The following STXBP5L variants were observed in gnomAD, a reference collection of about 807,000 sequenced individuals.
The protein encoded by STXBP5L is syntaxin binding protein 5L.
Under a neutral mutation model 144.5 loss-of-function variants are expected in STXBP5L, and 65 were observed. The observed-to-expected ratio is 0.45, with a 90% CI of 0.37 to 0.55. The LOEUF (loss-of-function observed/expected upper bound fraction) is 0.55. Among genes scored for constraint, STXBP5L ranks in the 20% least tolerant of loss-of-function variants. The pLI is 0.00. For missense variants in STXBP5L, 1,298 were observed against 1,405.5 expected (o/e 0.92, Z 1.22); for synonymous variants, 505 against 469.6 (o/e 1.08, Z -0.97).
chr3:121,029,085 G>T (rs550320144), intron 3 of STXBP5L, among the ~76,000 whole-genome samples: 5 of 152,124 alleles, frequency 3.3e-5, no homozygotes, highest in African/African-American at 1.2e-4. Flanking sequence ...AATCAATATC[G>T]TGCAAATGGC....
chr3:121,359,858 T>C (rs1332430245), intron 20 of STXBP5L, among the ~76,000 whole-genome samples: 1 of 151,474 alleles, frequency 6.6e-6, no homozygotes, highest in Non-Finnish European at 1.5e-5. Context: ...ACCTCTGTAG[T>C]ATAATTTGTA....
At chr3:121,095,856 G>A (rs960200675) in intron 5 of STXBP5L, among the ~76,000 whole-genome samples, 1 of 152,114 alleles carries the variant, frequency 6.6e-6, no homozygotes, top group Non-Finnish European at 1.5e-5. Context: ...GAGGGGGAGA[G>A]GCACTGTGAT....
intron 5 of STXBP5L, among the ~76,000 whole-genome samples, chr3:121,087,940 C>T (rs1325610517): frequency 1.3e-5 from 2 of 152,066 alleles, no homozygotes; most frequent in African/African-American, 2.4e-5. Context: ...GAGACTTTTC[C>T]TTTCTTTACT....
At chr3:121,416,500 TTTATTTA>T (rs869039050) in intron 25 of STXBP5L, among the ~76,000 whole-genome samples, 31 of 119,038 alleles carry the variant, frequency 2.6e-4, no homozygotes, top group Middle Eastern at 4.0e-3. Flanking sequence ...TATTTATTTA[TTTATTTA>T]TTATTTATTT....
chr3:121,161,571 T>C (rs767563941), intron 9 of STXBP5L, among the ~76,000 whole-genome samples: 6 of 152,052 alleles, frequency 3.9e-5, no homozygotes, highest in Non-Finnish European at 5.9e-5. Context: ...ATATATGATA[T>C]ATAATTTGCT....
At chr3:121,127,177 G>C (rs1024751851) in intron 7 of STXBP5L, among the ~76,000 whole-genome samples, 1 of 148,596 alleles carries the variant, frequency 6.7e-6, no homozygotes, top group East Asian at 1.9e-4. Flanking sequence ...CTCTAGGGAA[G>C]ACTGTGCTAA....
At chr3:120,934,922 G>T (rs938612497) in intron 2 of STXBP5L, among the ~76,000 whole-genome samples, 1 of 151,854 alleles carries the variant, frequency 6.6e-6, no homozygotes, top group Non-Finnish European at 1.5e-5. Flanking sequence ...AACATATAGT[G>T]GGGGACTGGT....
At chr3:120,947,534 G>C (rs887243443) in intron 2 of STXBP5L, among the ~76,000 whole-genome samples, 32 of 151,768 alleles carry the variant, frequency 2.1e-4, no homozygotes, top group Admixed American at 2.0e-3. Flanking sequence ...TATGTTCACA[G>C]AGTTGTGCAA....
chr3:121,271,921 G>A (rs550497073), intron 18 of STXBP5L, among the ~76,000 whole-genome samples: 1 of 152,278 alleles, frequency 6.6e-6, no homozygotes, highest in Admixed American at 6.5e-5. Flanking sequence ...ATCTTACTAT[G>A]GTGGAACAGG....
chr3:120,979,040 C>A (rs928468168), intron 3 of STXBP5L, among the ~76,000 whole-genome samples: 1 of 152,190 alleles, frequency 6.6e-6, no homozygotes, highest in African/African-American at 2.4e-5. Context: ...CTCAGATCTC[C>A]AGCTGCATGC....
chr3:121,023,791 C>T (rs1190185493), intron 3 of STXBP5L, among the ~76,000 whole-genome samples: 4 of 152,140 alleles, frequency 2.6e-5, no homozygotes, highest in African/African-American at 7.2e-5. Context: ...AGTCTCACTC[C>T]GTCGCCCAGG....
At chr3:121,232,995 C>T (rs1339848956) in intron 11 of STXBP5L, among the ~76,000 whole-genome samples, 1 of 152,074 alleles carries the variant, frequency 6.6e-6, no homozygotes, top group Non-Finnish European at 1.5e-5. Flanking sequence ...TAGGTTCTAC[C>T]TGTGGTTGCA....
intron 3 of STXBP5L, among the ~76,000 whole-genome samples, chr3:120,985,977 C>G (rs928846849): frequency 7.9e-5 from 12 of 151,488 alleles, no homozygotes; most frequent in Non-Finnish European, 1.6e-4. Flanking sequence ...TTTTGTTGTT[C>G]TTTTTCTAGT....
Position 120,909,865 on chromosome 3 carries a change from A to G in STXBP5L, c.189+98A>G, listed in dbSNP as rs1708736760. The G allele has an allele frequency of 3.1e-5, 40 of 1,274,004 alleles. No homozygotes were observed. In the South Asian group the frequency reaches 5.6e-4, roughly 18 times the overall value. 78.9% of individuals were successfully genotyped at this position (1,274,004 alleles called of 1,614,324 possible). A position where few individuals can be genotyped will look rare whatever the true frequency, so the allele number is the denominator to read the frequency against. The stretch of plus-strand genomic sequence containing the variant: ...ATACCAGGAACAGGAAACTGTTGAG[A>G]TGTCAGCATCAGAGTCTGCTGCAGA... On this transcript the variant is annotated intron_variant, in intron 2 of 26. Transcript: ENST00000471454.
intron 3 of STXBP5L, among the ~76,000 whole-genome samples, chr3:121,008,812 G>A (rs545228440): frequency 2.8e-4 from 42 of 152,054 alleles, no homozygotes; most frequent in African/African-American, 1.0e-3. Flanking sequence ...ATCACTTTAT[G>A]TTTCTGAGAT....
chr3:121,295,938 G>A (rs578225342), intron 19 of STXBP5L, among the ~76,000 whole-genome samples: 4 of 152,234 alleles, frequency 2.6e-5, no homozygotes, highest in East Asian at 3.9e-4. Flanking sequence ...TTTATTTGAT[G>A]TTTACAAGTT....
At chr3:121,395,093 C>G (rs987341896) in intron 22 of STXBP5L, among the ~76,000 whole-genome samples, 3 of 151,962 alleles carry the variant, frequency 2.0e-5, no homozygotes, top group African/African-American at 7.2e-5. Flanking sequence ...ATTCAATGAA[C>G]TAGATATATA....
intron 24 of STXBP5L, among the ~76,000 whole-genome samples, chr3:121,413,957 A>G (rs970399988): frequency 2.0e-5 from 3 of 152,162 alleles, no homozygotes; most frequent in Non-Finnish European, 2.9e-5. Flanking sequence ...TTCGAGTTGT[A>G]TTTTGGCTCC....
chr3:121,256,175 T>C (rs192804115), intron 16 of STXBP5L, among the ~76,000 whole-genome samples: 6 of 152,162 alleles, frequency 3.9e-5, no homozygotes, highest in Non-Finnish European at 5.9e-5. Flanking sequence ...ACCAATTTCA[T>C]AGGGTTCTTG....
Sources: allele counts gnomAD v4.1 joint callset (sites outside exome capture counted in the v4.1 genomes callset), GRCh38; gene constraint gnomAD v4.1.1; transcripts MANE v1.5; gene names NCBI Gene and HGNC (gene_info 2026-07-23, HGNC 2026-07-21).